Variants in CDH12 observed in about 807,000 individuals in gnomAD.
CDH12 encodes the protein cadherin 12, also known as cadherin-12.
A neutral mutation model predicts 74.1 loss-of-function variants in CDH12; 41 were observed. The ratio of observed to expected loss-of-function variants is 0.55; its 90% CI spans 0.43 to 0.72. CDH12 has a LOEUF of 0.72. Among genes scored for constraint, CDH12 ranks in the 30% least tolerant of loss-of-function variants. The pLI is 0.00. For missense variants in CDH12, 945 were observed against 977.2 expected, an observed-to-expected ratio of 0.97 and a Z score of 0.44; for synonymous variants, 399 against 355.0, an observed-to-expected ratio of 1.12 and a Z score of -1.39.
intron 6 of CDH12, among the ~76,000 whole-genome samples, chr5:21,958,271 C>A (rs1156696899): frequency 1.3e-5 from 2 of 152,092 alleles, no homozygotes; most frequent in East Asian, 1.9e-4. Flanking sequence ...TCTGGTGGTT[C>A]TTTATAGCAG....
chr5:22,690,953 C>A (rs966911352), intron 1 of CDH12, among the ~76,000 whole-genome samples: 3 of 152,134 alleles, frequency 2.0e-5, no homozygotes, highest in African/African-American at 4.8e-5. Flanking sequence ...ATGTCCATAA[C>A]CAAACCCAAT....
At chr5:21,916,717 G>A (rs563872262) in intron 6 of CDH12, among the ~76,000 whole-genome samples, 33 of 152,178 alleles carry the variant, frequency 2.2e-4, no homozygotes, top group African/African-American at 6.5e-4. Context: ...CAAGTTTGAC[G>A]GGAGCATATA....
intron 3 of CDH12, among the ~76,000 whole-genome samples, chr5:22,291,610 T>C (rs777812243): frequency 6.6e-6 from 1 of 152,060 alleles, no homozygotes; most frequent in Non-Finnish European, 1.5e-5. Flanking sequence ...TTACACTAGC[T>C]ATAAAAACAT....
chr5:22,781,199 A>G (rs570590166), intron 1 of CDH12, among the ~76,000 whole-genome samples: 1 of 152,198 alleles, frequency 6.6e-6, no homozygotes, highest in Non-Finnish European at 1.5e-5. Flanking sequence ...CTCAAGAAAA[A>G]AATGAATCTT....
intron 1 of CDH12, among the ~76,000 whole-genome samples, chr5:22,651,890 G>T (rs556649216): frequency 5.3e-5 from 8 of 151,958 alleles, no homozygotes; most frequent in Admixed American, 3.9e-4. Flanking sequence ...ATCTTTTCAA[G>T]TTCTAAGTTC....
intron 4 of CDH12, among the ~76,000 whole-genome samples, chr5:22,082,390 C>T (rs1057436298): frequency 6.6e-6 from 1 of 152,068 alleles, no homozygotes; most frequent in East Asian, 1.9e-4. Flanking sequence ...CATAAGCACT[C>T]GATACTGTGA....
At chr5:22,097,547 T>C (rs1743861964) in intron 4 of CDH12, among the ~76,000 whole-genome samples, 2 of 152,078 alleles carry the variant, frequency 1.3e-5, no homozygotes, top group Admixed American at 6.5e-5. Flanking sequence ...TAGACAATAC[T>C]CTTTTAAGCG....
intron 1 of CDH12, among the ~76,000 whole-genome samples, chr5:22,650,581 T>C (rs968209015): frequency 6.6e-6 from 1 of 152,070 alleles, no homozygotes; most frequent in Non-Finnish European, 1.5e-5. Flanking sequence ...GCTGTAGGCA[T>C]TTAGAAGTTA....
chr5:22,190,366 A>G (rs1324407521), intron 4 of CDH12, among the ~76,000 whole-genome samples: 7 of 131,914 alleles, frequency 5.3e-5, no homozygotes, highest in African/African-American at 1.0e-4. Flanking sequence ...CTGTCTATCT[A>G]TCTATCTATC....
At chr5:22,379,552 A>G (rs965157810) in intron 3 of CDH12, among the ~76,000 whole-genome samples, 25 of 152,300 alleles carry the variant, frequency 1.6e-4, no homozygotes, top group Admixed American at 1.2e-3. Context: ...ACTAAAGCCA[A>G]TGTTAACCAA....
chr5:22,783,707 G>T (rs1051747919), intron 1 of CDH12, among the ~76,000 whole-genome samples: 15 of 152,094 alleles, frequency 9.9e-5, no homozygotes, highest in Non-Finnish European at 2.1e-4. Context: ...GAAGTAGCCA[G>T]GGTGACCAGT....
chr5:22,420,936 A>G (rs1254210057), intron 2 of CDH12, among the ~76,000 whole-genome samples: 1 of 151,928 alleles, frequency 6.6e-6, no homozygotes, highest in Non-Finnish European at 1.5e-5. Flanking sequence ...TAGGTATTTT[A>G]TTCTTTTTGT....
rs557961733 is a variant in CDH12 at position 22,118,903 on chromosome 5, G to A, written c.-186-40041C>T. 3.9e-5 allele frequency among the ~76,000 whole-genome samples: 6 copies of A among 152,244 alleles called. No individual in the cohort carries two copies. In the East Asian group the frequency reaches 1.2e-3, roughly 29 times the overall value. On this transcript the variant is annotated intron_variant, in intron 4 of 14. Coordinates refer to ENST00000382254, the MANE Select transcript of CDH12 (RefSeq NM_004061.5). Reference sequence around the variant, plus strand: ...TATAGTTGGGGTGGGGGATAGTTGAGGATGAAGTTGTTAAGCAGGCCACAT... The same window carrying A: ...TATAGTTGGGGTGGGGGATAGTTGAAGATGAAGTTGTTAAGCAGGCCACAT...
At chr5:22,710,429 T>C (rs988301175) in intron 1 of CDH12, among the ~76,000 whole-genome samples, 1 of 152,176 alleles carries the variant, frequency 6.6e-6, no homozygotes, top group Non-Finnish European at 1.5e-5. Context: ...GCTGGTGTAG[T>C]AGCTTAGACA....
intron 3 of CDH12, among the ~76,000 whole-genome samples, chr5:22,328,219 TA>T (rs748016191): frequency 6.6e-6 from 1 of 152,174 alleles, no homozygotes; most frequent in Non-Finnish European, 1.5e-5. Context: ...ATCAGTTTTT[TA>T]AAAAAATATA....
chr5:22,529,182 TATATATAGAGAGAGAGAGAGAG>T (rs1271654751), intron 1 of CDH12, among the ~76,000 whole-genome samples: 18 of 96,782 alleles, frequency 1.9e-4, no homozygotes, highest in East Asian at 1.4e-3. Flanking sequence ...TATATATATA[TATATATAGAGAGAGAGAGAGAG>T]AGAGAGAGAG....
chr5:22,207,048 C>G (rs1751261370), intron 4 of CDH12, among the ~76,000 whole-genome samples: 1 of 150,130 alleles, frequency 6.7e-6, no homozygotes, highest in African/African-American at 2.5e-5. Flanking sequence ...CCTGTCTCTA[C>G]TAAAAATACA....
chr5:21,954,157 T>G (rs1258828177), intron 6 of CDH12, among the ~76,000 whole-genome samples: 3 of 152,144 alleles, frequency 2.0e-5, no homozygotes, highest in African/African-American at 7.2e-5. Flanking sequence ...ATTATGACTA[T>G]TTTCATTGCT....
intron 3 of CDH12, among the ~76,000 whole-genome samples, chr5:22,223,406 A>G (rs537789125): frequency 6.6e-6 from 1 of 152,176 alleles, no homozygotes; most frequent in Admixed American, 6.6e-5. Flanking sequence ...TGTTTGATTT[A>G]GTCTAAAAGG....
Sources: allele counts gnomAD v4.1 joint callset (sites outside exome capture counted in the v4.1 genomes callset), GRCh38; gene constraint gnomAD v4.1.1; transcripts MANE v1.5; gene names NCBI Gene and HGNC (gene_info 2026-07-23, HGNC 2026-07-21).